The following RBFOX1 variants were observed in gnomAD, a reference collection of about 807,000 sequenced individuals.
RBFOX1 encodes RNA binding fox-1 homolog 1, also known as RNA binding protein fox-1 homolog 1.
Under a neutral mutation model 57.7 loss-of-function variants are expected in RBFOX1, and 8 were observed. The ratio of observed to expected loss-of-function variants is 0.14; its 90% CI spans 0.08 to 0.25. RBFOX1 has a LOEUF of 0.25. RBFOX1 is among the 10% of genes least tolerant of loss of function. The pLI is 1.00. For missense variants in RBFOX1, 611 were observed against 548.5 expected (o/e 1.11, Z -1.14); for synonymous variants, 326 against 222.4 (o/e 1.47, Z -4.15).
At chr16:6,013,488 A>G (rs1177628893) in intron 4 of RBFOX1, among the ~76,000 whole-genome samples, 1 of 152,082 alleles carries the variant, frequency 6.6e-6, no homozygotes, top group Non-Finnish European at 1.5e-5. Context: ...TGAATCATTG[A>G]CATGATTCTA....
chr16:6,983,786 A>G (rs1383151966), intron 3 of RBFOX1: 2 of 152,420 alleles, frequency 1.3e-5, no homozygotes, highest in Non-Finnish European at 2.9e-5. Flanking sequence ...GGTTGCATGC[A>G]CTACTTGTGC....
chr16:7,677,035 C>G lies in RBFOX1; in HGVS notation c.995+197C>G, dbSNP rs866522147. On this transcript the variant is annotated intron_variant, in intron 14 of 15. Coordinates refer to ENST00000550418, the MANE Select transcript of RBFOX1 (RefSeq NM_018723.4). ...ATGCTTCAGCCAATTCTAAACTACT[C>G]TCTCTGCTGAGACACAAAGAAAATG... Among the ~76,000 whole-genome samples the G allele has an allele frequency of 3.3e-5, 5 of 151,950 alleles. No individual in the cohort carries two copies. The South Asian group carries it at 8.3e-4, about 25-fold the overall frequency.
chr16:7,452,010 G>T (rs1463456951), intron 4 of RBFOX1, among the ~76,000 whole-genome samples: 2 of 152,152 alleles, frequency 1.3e-5, no homozygotes, highest in East Asian at 3.9e-4. Context: ...CGACCAAAGA[G>T]AAAGATTCTT....
chr16:6,412,301 A>C (rs745394291), intron 2 of RBFOX1, among the ~76,000 whole-genome samples: 19 of 152,168 alleles, frequency 1.2e-4, no homozygotes, highest in Non-Finnish European at 1.8e-4. Context: ...TACTGCAGAA[A>C]GCTTTCATGA....
intron 4 of RBFOX1, among the ~76,000 whole-genome samples, chr16:5,915,976 A>G (rs1431614803): frequency 1.3e-5 from 2 of 152,220 alleles, no homozygotes; most frequent in Non-Finnish European, 2.9e-5. Flanking sequence ...AACTTCACAC[A>G]GCTTTCTTGG....
chr16:6,992,096 G>C (rs1028908929), intron 3 of RBFOX1, among the ~76,000 whole-genome samples: 51 of 152,106 alleles, frequency 3.4e-4, no homozygotes, highest in African/African-American at 1.2e-3. Flanking sequence ...CATTCCTTAG[G>C]GAGAACGGGT....
chr16:7,218,302 T>C (rs2092416536), intron 4 of RBFOX1, among the ~76,000 whole-genome samples: 1 of 152,178 alleles, frequency 6.6e-6, no homozygotes, highest in African/African-American at 2.4e-5. Context: ...AATTTAAAAA[T>C]TGCTATAATA....
chr16:5,794,889 G>A (rs2054824215), intron 3 of RBFOX1, among the ~76,000 whole-genome samples: 1 of 152,108 alleles, frequency 6.6e-6, no homozygotes, highest in Middle Eastern at 3.2e-3. Flanking sequence ...CAAGATGGAA[G>A]CTACCCCATC....
At chr16:6,073,960 T>G (rs2095865549) in intron 1 of RBFOX1, among the ~76,000 whole-genome samples, 1 of 152,060 alleles carries the variant, frequency 6.6e-6, no homozygotes, top group Non-Finnish European at 1.5e-5. Context: ...GGTTCTTTTC[T>G]TTTTCTGAGA....
chr16:5,600,694 T>A (rs530535020), downstream of RBFOX1, among the ~76,000 whole-genome samples: 5 of 152,168 alleles, frequency 3.3e-5, no homozygotes, highest in South Asian at 8.3e-4. Context: ...AAAATGACTT[T>A]CCAGGCTGGA....
At chr16:6,531,712 A>G (rs1225674667) in intron 2 of RBFOX1, among the ~76,000 whole-genome samples, 1 of 152,114 alleles carries the variant, frequency 6.6e-6, no homozygotes, top group African/African-American at 2.4e-5. Flanking sequence ...GGACCCAAAC[A>G]GGGCTTCTTA....
chr16:5,830,794 C>T (rs1007941617), intron 3 of RBFOX1, among the ~76,000 whole-genome samples: 7 of 152,086 alleles, frequency 4.6e-5, no homozygotes, highest in Admixed American at 2.0e-4. Flanking sequence ...CGATACTGAC[C>T]GTCTTTTATA....
intron 2 of RBFOX1, among the ~76,000 whole-genome samples, chr16:5,573,808 G>T (rs372175016): frequency 1.3e-5 from 2 of 152,048 alleles, no homozygotes; most frequent in African/African-American, 4.8e-5. Flanking sequence ...CAAAAAATAG[G>T]CTGGGTGTGG....
intron 2 of RBFOX1, among the ~76,000 whole-genome samples, chr16:5,490,576 G>A (rs1002924481): frequency 6.6e-6 from 1 of 152,214 alleles, no homozygotes; most frequent in Non-Finnish European, 1.5e-5. Context: ...CCATGGTGCT[G>A]GCCGAGGGCG....
At chr16:7,198,312 C>T (rs12920103) in intron 4 of RBFOX1, among the ~76,000 whole-genome samples, 5,318 of 152,126 alleles carry the variant, frequency 0.035, 120 homozygotes, top group African/African-American at 0.061. Flanking sequence ...GCCAATATAC[C>T]CGGTGGTTTT....
chr16:6,342,737 C>G (rs1034316815), intron 2 of RBFOX1, among the ~76,000 whole-genome samples: 1 of 152,126 alleles, frequency 6.6e-6, no homozygotes, highest in African/African-American at 2.4e-5. Context: ...TAAATCTCTT[C>G]GGTGCGTATC....
At chr16:5,352,685 G>C (rs546762368) in intron 1 of RBFOX1, among the ~76,000 whole-genome samples, 17 of 152,236 alleles carry the variant, frequency 1.1e-4, no homozygotes, top group African/African-American at 3.6e-4. Context: ...GCTCATACTT[G>C]TAATTCCAGC....
At chr16:6,793,878 A>T (rs1185181356) in intron 3 of RBFOX1, among the ~76,000 whole-genome samples, 4 of 152,106 alleles carry the variant, frequency 2.6e-5, no homozygotes, top group Non-Finnish European at 5.9e-5. Flanking sequence ...GAGTTTTTTT[A>T]AAAAGGTTAT....
chr16:5,994,803 C>T (rs1349662932), intron 4 of RBFOX1, among the ~76,000 whole-genome samples: 1 of 152,182 alleles, frequency 6.6e-6, no homozygotes, highest in Non-Finnish European at 1.5e-5. Context: ...AGTCTCTTTT[C>T]TTCTCCACTA....
Sources: gnomAD v4.1 joint callset for allele counts (sites outside exome capture counted in the v4.1 genomes callset) on GRCh38, gnomAD v4.1.1 for gene constraint, MANE v1.5 for transcripts, NCBI Gene and HGNC (gene_info 2026-07-23, HGNC 2026-07-21) for gene names.